Variants in CREB5 observed in about 807,000 individuals in gnomAD.
CREB5 encodes the protein cyclic AMP-responsive element-binding protein 5.
Under a neutral mutation model 57.1 loss-of-function variants are expected in CREB5, and 19 were observed. The ratio of observed to expected loss-of-function variants is 0.33; its 90% confidence interval spans 0.23 to 0.49. CREB5 has a LOEUF of 0.49. CREB5 is among the 20% of genes least tolerant of loss of function. The pLI is 0.99. For missense variants in CREB5, 579 were observed against 671.6 expected (o/e 0.86, Z 1.52); for synonymous variants, 238 against 238.3 (o/e 1.00, Z 0.01).
intron 1 of CREB5, among the ~76,000 whole-genome samples, chr7:28,422,097 G>A (rs960579813): frequency 3.3e-5 from 5 of 152,050 alleles, no homozygotes; most frequent in Non-Finnish European, 7.4e-5. Context: ...ATCACAGGGG[G>A]AATGGTGGAG....
chr7:28,351,507 C>T (rs1257131069), intron 1 of CREB5, among the ~76,000 whole-genome samples: 1 of 152,196 alleles, frequency 6.6e-6, no homozygotes, highest in Non-Finnish European at 1.5e-5. Context: ...TTTTCCTTTC[C>T]TATTCCTTTC....
chr7:28,423,866 A>G (rs572566827), intron 1 of CREB5, among the ~76,000 whole-genome samples: 5 of 152,186 alleles, frequency 3.3e-5, no homozygotes, highest in Non-Finnish European at 7.4e-5. Context: ...GGGCGACCAC[A>G]TCTCTGGCAC....
chr7:28,530,095 A>G (rs1793656311), intron 4 of CREB5, among the ~76,000 whole-genome samples: 1 of 152,204 alleles, frequency 6.6e-6, no homozygotes, highest in Non-Finnish European at 1.5e-5. Context: ...AAGACTGCCC[A>G]ATTCTAAAAG....
chr7:28,435,952 G>A (rs35094733), intron 1 of CREB5, among the ~76,000 whole-genome samples: 32,301 of 152,048 alleles, frequency 0.21, 4,455 homozygotes, highest in South Asian at 0.31. Flanking sequence ...CGACCTGGGT[G>A]TAACATTTCT....
Position 28,417,769 on chromosome 7 carries a change from C to T in CREB5, c.3+4852C>T, listed in dbSNP as rs565690416. ...AAAGCGTTCATTCAGAGTTCAAGGG[C>T]AGCAAGCAGTTGTTACAAGCATGCT... On this transcript the variant is annotated intron_variant, in intron 1 of 10. Coordinates refer to ENST00000357727, the MANE Select transcript of CREB5 (RefSeq NM_182898.4). Among the ~76,000 whole-genome samples the T allele has an allele frequency of 4.6e-5, 7 of 152,232 alleles. No individual in the cohort carries two copies. The East Asian group carries it at 1.4e-3, about 29-fold the overall frequency.
intron 5 of CREB5, among the ~76,000 whole-genome samples, chr7:28,660,379 C>T (rs926078243): frequency 8.4e-6 from 1 of 118,562 alleles, no homozygotes; most frequent in African/African-American, 3.7e-5. Flanking sequence ...ATGCATTCAA[C>T]AGTTTTTTTT....
chr7:28,357,481 G>T (rs909791387), intron 1 of CREB5, among the ~76,000 whole-genome samples: 2 of 152,122 alleles, frequency 1.3e-5, no homozygotes, highest in African/African-American at 2.4e-5. Context: ...TTTGCTGTTT[G>T]CAGTCATTGG....
intron 3 of CREB5, among the ~76,000 whole-genome samples, chr7:28,507,028 T>A (rs1792508361): frequency 6.6e-6 from 1 of 152,244 alleles, no homozygotes; most frequent in Non-Finnish European, 1.5e-5. Flanking sequence ...TTTTAAAGGA[T>A]GAAAGCTGAA....
chr7:28,542,523 C>T (rs776137623), intron 4 of CREB5, among the ~76,000 whole-genome samples: 22 of 152,168 alleles, frequency 1.4e-4, no homozygotes, highest in Non-Finnish European at 3.1e-4. Context: ...GAAAATGTAA[C>T]ACTTAGCACC....
intron 1 of CREB5, among the ~76,000 whole-genome samples, chr7:28,444,489 C>T (rs1221322021): frequency 2.0e-5 from 3 of 152,126 alleles, no homozygotes; most frequent in Non-Finnish European, 4.4e-5. Flanking sequence ...TTTGAACTGT[C>T]GTGGGGAAAC....
At chr7:28,609,049 C>G (rs965727719) in intron 5 of CREB5, 7 of 152,190 alleles carry the variant, frequency 4.6e-5, no homozygotes, top group African/African-American at 1.7e-4. Context: ...AGCTTACCAT[C>G]TAAGGCAGGA....
intron 1 of CREB5, among the ~76,000 whole-genome samples, chr7:28,367,764 A>C (rs1297919656): frequency 6.6e-6 from 1 of 152,192 alleles, no homozygotes; most frequent in East Asian, 1.9e-4. Context: ...GCTGAGATCC[A>C]GCCACTGTAC....
At chr7:28,729,841 C>T (rs2190452) in intron 7 of CREB5, among the ~76,000 whole-genome samples, 33,754 of 152,142 alleles carry the variant, frequency 0.22, 3,917 homozygotes, top group Admixed American at 0.33. Flanking sequence ...CCATGTGACC[C>T]TGTAGCCTGT....
intron 7 of CREB5, among the ~76,000 whole-genome samples, chr7:28,747,168 T>C (rs1804730921): frequency 1.3e-5 from 2 of 152,130 alleles, no homozygotes. Flanking sequence ...GTGTGTATGA[T>C]GTTATACAAA....
At chr7:28,559,761 T>G (rs1795008678) in intron 4 of CREB5, among the ~76,000 whole-genome samples, 2 of 152,212 alleles carry the variant, frequency 1.3e-5, no homozygotes, top group African/African-American at 2.4e-5. Flanking sequence ...CAATGGTAAT[T>G]TATATAGTTC....
In CREB5 at chr7:28,804,329, C is replaced by T. The variant is rs754550142; in HGVS notation, c.833C>T (p.Pro278Leu). 3.0e-5 allele frequency: 49 copies of T among 1,613,636 alleles called. No individual in the cohort carries two copies. The highest frequency in any genetic ancestry group is 3.8e-5 in the Non-Finnish European group (45 of 1,179,884). Residue 278 changes from proline to leucine, a missense_variant, in exon 8 of 11, where the codon CCG becomes CTG. Pro to Leu is a moderately conservative substitution (Grantham distance 98). This residue lies in a region of CREB5 where 459 missense variants were observed against 515.7 expected (regional missense o/e 0.89). Transcript: ENST00000357727. ...QTPHHHMHSH[P>L]HQHQTLPPHH... ...CCACACCATCACATGCACTCGCACC[C>T]GCATCAGCACCAGACACTGCCACCC...
intron 1 of CREB5, among the ~76,000 whole-genome samples, chr7:28,353,172 C>T (rs1786268565): frequency 6.6e-6 from 1 of 152,162 alleles, no homozygotes; most frequent in Non-Finnish European, 1.5e-5. Context: ...TTACTGCAAC[C>T]TGCGCCTCCC....
At chr7:28,331,913 T>C (rs1256067188) in intron 1 of CREB5, among the ~76,000 whole-genome samples, 1 of 151,344 alleles carries the variant, frequency 6.6e-6, no homozygotes, top group Admixed American at 6.6e-5. Flanking sequence ...TCATTTGTAG[T>C]GAGTCGAATG....
intron 5 of CREB5, among the ~76,000 whole-genome samples, chr7:28,707,542 C>G (rs570485692): frequency 1.2e-3 from 179 of 152,306 alleles, no homozygotes; most frequent in South Asian, 2.7e-3. Context: ...TTATCTCTAT[C>G]ATTTCTGTCA....
Sources: gnomAD v4.1 joint callset for allele counts (sites outside exome capture counted in the v4.1 genomes callset) on GRCh38, gnomAD v4.1.1 for gene constraint, gnomAD v4.1.1 regional missense constraint, MANE v1.5 for transcripts, NCBI Gene and HGNC (gene_info 2026-07-23, HGNC 2026-07-21) for gene names.